Variants in MYRF observed in about 807,000 individuals in gnomAD.
MYRF encodes the protein myelin regulatory factor.
A neutral mutation model predicts 126.3 loss-of-function variants in MYRF; 16 were observed. That is an observed-to-expected ratio of 0.13 (90% CI 0.09 to 0.19). The LOEUF (loss-of-function observed/expected upper bound fraction) is 0.19. MYRF is among the 10% of genes least tolerant of loss of function. MYRF has a pLI of 1.00. For missense variants in MYRF, 1,104 were observed against 1,547.0 expected (o/e 0.71, Z 4.80); for synonymous variants, 608 against 635.3 (o/e 0.96, Z 0.65).
At position 61,786,015 on chromosome 11, in the gene MYRF, C is replaced by T; in HGVS notation, c.3376-48C>T. 1 of 1,586,248 alleles carries T rather than the reference C, an allele frequency of 6.3e-7. No individual in the cohort carries two copies. The highest frequency in any genetic ancestry group is 1.3e-5 in the African/African-American group (1 of 74,468). ...CAATGTCAGCAGGGAGTGCCATCTG[C>T]CCCGCACCCCCAGAGCCACCTCACC... On this transcript the variant is annotated intron_variant, in intron 26 of 26. Coordinates refer to ENST00000278836, the MANE Select transcript of MYRF (RefSeq NM_001127392.3). This position sits in a 1 kb window ranked among gnomAD's most constrained non-coding sequence, Gnocchi z 4.5.
In MYRF at chr11:61,778,551, T is replaced by C. The variant is rs146185095; in HGVS notation, c.2013+62T>C. 3,911 of 1,178,396 alleles carry C rather than the reference T, an allele frequency of 3.3e-3. 17 individuals are homozygous for C. Among genetic ancestry groups the C allele is most frequent in the Non-Finnish European group, 3.9e-3 (3,078 of 784,248 alleles). 73.0% of individuals were successfully genotyped at this position (1,178,396 alleles called of 1,614,324 possible). A position where few individuals can be genotyped will look rare whatever the true frequency, so the allele number is the denominator to read the frequency against. On this transcript the variant is annotated intron_variant, in intron 14 of 26. Coordinates refer to ENST00000278836, the MANE Select transcript of MYRF (RefSeq NM_001127392.3). This position sits in a 1 kb window ranked among gnomAD's most constrained non-coding sequence, Gnocchi z 4.6. ...AAGTGGGGAGCCAGCTGGGGAACAC[T>C]CATCACCTCCATAGATACTGGGGGC...
chr11:61,760,774 C>G (rs995514823), intron 1 of MYRF, among the ~76,000 whole-genome samples: 1 of 152,122 alleles, frequency 6.6e-6, no homozygotes, highest in Non-Finnish European at 1.5e-5. Flanking sequence ...GAGAAGGAAG[C>G]CAGGGCTCAG....
At position 61,760,214 on chromosome 11, in the gene MYRF, AC is replaced by A. The variant is rs1348129978; in HGVS notation, c.47-5409del. Among the ~76,000 whole-genome samples, 20 of 152,148 alleles carry A rather than the reference AC, an allele frequency of 1.3e-4. No homozygotes were observed. The East Asian group carries it at 3.9e-3, about 29-fold the overall frequency. On this transcript the variant is annotated intron_variant, in intron 1 of 26. Transcript: ENST00000278836. The stretch of plus-strand genomic sequence containing the variant: ...GAACTCCTGACCTTGTGATCTGCCC[AC>A]CTCGGCCTCCCAAAGTGCTGGGATT...
chr11:61,767,187 G>A (rs996365522), intron 3 of MYRF: 7 of 456,660 alleles, frequency 1.5e-5, no homozygotes, highest in Non-Finnish European at 2.6e-5. Flanking sequence ...GGTGCCAGGG[G>A]TGAACCTTTG....
chr11:61,779,656 C>T lies in MYRF; in HGVS notation c.2247+86C>T, dbSNP rs2066486047. The T allele has an allele frequency of 3.1e-5, 41 of 1,314,882 alleles. 1 individual carries two copies. In the South Asian group the frequency reaches 6.0e-4, roughly 19 times the overall value. The allele number at this position is 1,314,882 out of a possible 1,614,324, so 81.5% of individuals were successfully genotyped here. On this transcript the variant is annotated intron_variant, in intron 16 of 26. Transcript: ENST00000278836. ...TCTGGCTTGCAGTTCTCCAGCCTCA[C>T]TGCCTCTGGTGCTTCCCTCTCCTTG...
Position 61,776,929 on chromosome 11 carries a change from A to G in MYRF, c.1590+52A>G, listed in dbSNP as rs774014989. On this transcript the variant is annotated intron_variant, in intron 11 of 26. Coordinates refer to ENST00000278836, the MANE Select transcript of MYRF (RefSeq NM_001127392.3). The surrounding 1 kb of genome is among the most constrained non-coding windows in gnomAD (Gnocchi z 4.3). ...AGACAGCCCTCCCCAGGACTGGGAG[A>G]AACAGCAAGCAGAAGTACCCGGGTA... is the stretch of plus-strand genomic sequence containing the variant. 6 of 1,436,614 alleles carry G rather than the reference A, an allele frequency of 4.2e-6. No homozygotes were observed. The highest frequency in any genetic ancestry group is 5.7e-6 in the Non-Finnish European group (6 of 1,060,184). 89.0% of individuals were successfully genotyped at this position (1,436,614 alleles called of 1,614,324 possible). A position where few individuals can be genotyped will look rare whatever the true frequency, so the allele number is the denominator to read the frequency against.
chr11:61,761,265 G>T (rs527917764), intron 1 of MYRF, among the ~76,000 whole-genome samples: 4 of 151,618 alleles, frequency 2.6e-5, no homozygotes, highest in South Asian at 2.1e-4. Flanking sequence ...CTGGTGGGGG[G>T]GGGGGCACAT....
At chr11:61,766,483 A>G (rs1268009863) in intron 3 of MYRF, 1 of 467,054 alleles carries the variant, frequency 2.1e-6, no homozygotes. Context: ...AAAAATCTCG[A>G]TGCTGTGTGG....
At chr11:61,762,288 C>T (rs1012281089) in intron 1 of MYRF, among the ~76,000 whole-genome samples, 3 of 152,050 alleles carry the variant, frequency 2.0e-5, no homozygotes, top group South Asian at 2.1e-4. Context: ...CAGAGGGCTC[C>T]GGGTGTCTCC....
At chr11:61,785,966 T>C (rs1392955413) in intron 26 of MYRF, 92 bp downstream of exon 26, 3 of 1,559,454 alleles carry the variant, frequency 1.9e-6, no homozygotes, top group Non-Finnish European at 1.8e-6. Flanking sequence ...CAGTATGTGG[T>C]AGGGCTGGGG....
intron 4 of MYRF, 39 bp downstream of exon 4, chr11:61,769,360 G>C: frequency 1.3e-6 from 2 of 1,557,360 alleles, no homozygotes; most frequent in Non-Finnish European, 1.8e-6. Context: ...TCCAGGGTTT[G>C]GGCAAGTAGT....
intron 1 of MYRF, among the ~76,000 whole-genome samples, chr11:61,759,329 ATG>A (rs752402049): frequency 3.3e-5 from 5 of 152,312 alleles, no homozygotes; most frequent in Non-Finnish European, 2.9e-5. Flanking sequence ...CTTGGAGTGG[ATG>A]TAGCCATAGC....
chr11:61,781,800 C>A lies in MYRF; in HGVS notation c.2992C>A (p.Pro998Thr). The change falls in exon 22 of 27, where the codon CCC becomes ACC. Residue 998 changes from proline to threonine, a missense_variant. Physicochemically the swap from Pro to Thr is conservative, Grantham distance 38. Transcript: ENST00000278836. ...ALQSSVGPAE[P>T]TWAQGQSASL... ...CCAGTCCAGCGTGGGCCCTGCTGAG[C>A]CCACCTGGGCCCAGGGCCAGTCAGG... The A allele has an allele frequency of 6.3e-7, 1 of 1,577,672 alleles. No homozygotes were observed. The highest frequency in any genetic ancestry group is 8.6e-7 in the Non-Finnish European group (1 of 1,165,532).
intron 22 of MYRF, chr11:61,782,340 G>A (rs2066575093): frequency 6.5e-6 from 1 of 153,082 alleles, no homozygotes; most frequent in African/African-American, 2.4e-5. Context: ...AGGCTTCCTG[G>A]CTTCAACCAG....
chr11:61,765,841 C>A, intron 2 of MYRF, 117 bp from the exon 3 acceptor site: 1 of 1,421,058 alleles, frequency 7.0e-7, no homozygotes, highest in Non-Finnish European at 9.5e-7. Context: ...TGCTCCTCGT[C>A]CCTTCCCAGC....
intron 25 of MYRF, chr11:61,785,297 C>T (rs2135905387): frequency 1.2e-5 from 2 of 164,102 alleles, no homozygotes; most frequent in Admixed American, 5.8e-5. Flanking sequence ...GCCAAAGCCT[C>T]AGGTAGATGG....
rs2066612018 is a variant in MYRF, at chr11:61,783,625, C to T, written c.3119+25C>T. ...GGTGGGCTGGGCTCCCTCCCCTCAC[C>T]CAGGGAGGTCCTCAGGTGACATGAG... On this transcript the variant is annotated intron_variant, in intron 23 of 26. Transcript: ENST00000278836. This position sits in a 1 kb window ranked among gnomAD's most constrained non-coding sequence, Gnocchi z 4.6. 10 of 1,587,776 alleles carry T rather than the reference C, an allele frequency of 6.3e-6. No individual in the cohort carries two copies. The East Asian group carries it at 2.2e-4, about 36-fold the overall frequency.
chr11:61,753,186 A>G (rs983493968), intron 1 of MYRF, among the ~76,000 whole-genome samples: 37 of 152,070 alleles, frequency 2.4e-4, no homozygotes, highest in African/African-American at 8.7e-4. Context: ...TTCAAGGCCC[A>G]GACCCCCGGT....
chr11:61,774,744 T>TA (rs1206502812), intron 8 of MYRF, among the ~76,000 whole-genome samples: 2 of 149,698 alleles, frequency 1.3e-5, no homozygotes, highest in African/African-American at 4.9e-5. Flanking sequence ...CCTTAAACGT[T>TA]AGACTCCTCA....
Sources: gnomAD v4.1 joint callset for allele counts (sites outside exome capture counted in the v4.1 genomes callset) on GRCh38, gnomAD v4.1.1 for gene constraint, Gnocchi (gnomAD v3.1) non-coding constraint, MANE v1.5 for transcripts, NCBI Gene and HGNC (gene_info 2026-07-23, HGNC 2026-07-21) for gene names.